Variants in TMEM132D observed in about 807,000 individuals in gnomAD.
TMEM132D encodes the protein mature OL transmembrane protein.
TMEM132D carries 21 observed loss-of-function variants against 62.3 expected under a neutral mutation model. The ratio of observed to expected loss-of-function variants is 0.34; its 90% CI spans 0.24 to 0.49. The LOEUF (loss-of-function observed/expected upper bound fraction) is 0.49. Ranked by LOEUF, TMEM132D falls within the 20% of genes least tolerant of loss-of-function variation. The pLI is 0.99. For missense variants in TMEM132D, 1,346 were observed against 1,402.8 expected (o/e 0.96, Z 0.65); for synonymous variants, 621 against 575.6 (o/e 1.08, Z -1.13).
rs534239368 is a variant in TMEM132D, at chr12:129,229,398, C to T, written c.1300-19735G>A. 2.0e-5 allele frequency among the ~76,000 whole-genome samples: 3 copies of T among 152,284 alleles called. No individual in the cohort carries two copies. The East Asian group carries it at 5.8e-4, about 29-fold the overall frequency. On this transcript the variant is annotated intron_variant, in intron 4 of 8. Transcript: ENST00000422113. ...CATTTATAGCTTCCAAACATCAATT[C>T]CATGAAACCCAGCATGAATATTTAA...
intron 1 of TMEM132D, among the ~76,000 whole-genome samples, chr12:129,758,683 G>C: frequency 6.6e-6 from 1 of 152,260 alleles, no homozygotes; most frequent in South Asian, 2.1e-4. Flanking sequence ...TTCTGTACTT[G>C]TTTAAAATAC....
chr12:129,548,517 T>C (rs540120926), intron 2 of TMEM132D, among the ~76,000 whole-genome samples: 9 of 152,362 alleles, frequency 5.9e-5, no homozygotes, highest in African/African-American at 2.2e-4. Context: ...TCAAGTCAAC[T>C]TTCCTGCTGA....
intron 3 of TMEM132D, among the ~76,000 whole-genome samples, chr12:129,494,765 G>A (rs1044090094): frequency 1.3e-5 from 2 of 151,958 alleles, no homozygotes; most frequent in Admixed American, 1.3e-4. Flanking sequence ...TCATCATCCT[G>A]GCCTCTGAGT....
At chr12:129,154,389 G>A (rs1452397029) in intron 5 of TMEM132D, among the ~76,000 whole-genome samples, 1 of 152,162 alleles carries the variant, frequency 6.6e-6, no homozygotes, top group Non-Finnish European at 1.5e-5. Flanking sequence ...TAGGATGAGA[G>A]GATATTGATG....
intron 4 of TMEM132D, among the ~76,000 whole-genome samples, chr12:129,295,747 C>A (rs185105111): frequency 3.1e-4 from 47 of 152,208 alleles, no homozygotes; most frequent in African/African-American, 1.1e-3. Flanking sequence ...ATACAAAAGT[C>A]TTAATATTTG....
At chr12:129,647,789 AG>A (rs1879826128) in intron 2 of TMEM132D, among the ~76,000 whole-genome samples, 1 of 152,172 alleles carries the variant, frequency 6.6e-6, no homozygotes, top group African/African-American at 2.4e-5. Flanking sequence ...GATTTGTAGA[AG>A]ATCTTTAAGC....
chr12:129,270,988 C>A (rs1235020221), intron 4 of TMEM132D, among the ~76,000 whole-genome samples: 1 of 152,144 alleles, frequency 6.6e-6, no homozygotes, highest in Non-Finnish European at 1.5e-5. Context: ...GTGGTTGCAC[C>A]CTGTGACGGC....
chr12:129,599,610 G>A (rs1200901718), intron 2 of TMEM132D, among the ~76,000 whole-genome samples: 1 of 152,136 alleles, frequency 6.6e-6, no homozygotes, highest in Non-Finnish European at 1.5e-5. Flanking sequence ...CATTTTAAGT[G>A]TGTCACATAT....
intron 3 of TMEM132D, among the ~76,000 whole-genome samples, chr12:129,491,576 G>T (rs1874797126): frequency 6.6e-6 from 1 of 152,184 alleles, no homozygotes; most frequent in Non-Finnish European, 1.5e-5. Context: ...TGGAAACTAT[G>T]CATTGAAGAC....
chr12:129,100,656 T>C (rs1172856428), intron 5 of TMEM132D, among the ~76,000 whole-genome samples: 1 of 152,216 alleles, frequency 6.6e-6, no homozygotes, highest in Admixed American at 6.5e-5. Flanking sequence ...CTGGAGTGAA[T>C]GAAAGTATTG....
chr12:129,512,066 C>T (rs1593044550), intron 3 of TMEM132D, among the ~76,000 whole-genome samples: 1 of 152,314 alleles, frequency 6.6e-6, no homozygotes, highest in South Asian at 2.1e-4. Flanking sequence ...TACCGTACAG[C>T]ATCTGCAGTG....
At chr12:129,538,503 C>A (rs1490978380) in intron 2 of TMEM132D, among the ~76,000 whole-genome samples, 1 of 152,148 alleles carries the variant, frequency 6.6e-6, no homozygotes, top group African/African-American at 2.4e-5. Flanking sequence ...CAGTCCAAGA[C>A]CCCCAGTGGA....
chr12:129,083,927 G>A (rs1384067923), intron 6 of TMEM132D, among the ~76,000 whole-genome samples: 1 of 152,162 alleles, frequency 6.6e-6, no homozygotes, highest in Non-Finnish European at 1.5e-5. Context: ...GACACTCAGT[G>A]GACAAGCCTC....
At chr12:129,129,771 TG>T (rs1292146595) in intron 5 of TMEM132D, among the ~76,000 whole-genome samples, 3 of 152,178 alleles carry the variant, frequency 2.0e-5, no homozygotes, top group Non-Finnish European at 4.4e-5. Context: ...ATGTTCTTGT[TG>T]GCCGCTCGTA....
chr12:129,653,779 T>C (rs1227236721), intron 2 of TMEM132D, among the ~76,000 whole-genome samples: 1 of 152,208 alleles, frequency 6.6e-6, no homozygotes, highest in Admixed American at 6.5e-5. Context: ...CCACACAGCT[T>C]CCTCTTCTTT....
intron 2 of TMEM132D, among the ~76,000 whole-genome samples, chr12:129,693,993 C>G (rs1474080005): frequency 1.3e-5 from 2 of 152,212 alleles, no homozygotes; most frequent in African/African-American, 4.8e-5. Flanking sequence ...TCTTTGCTGT[C>G]TCATCCTTAG....
Position 129,901,346 on chromosome 12 carries a change from T to G in TMEM132D, c.79+1915A>C, listed in dbSNP as rs767973172. ...GAATGTATAAATCACATCTGCATCATGAAATTCCATTTTATGCAATTTGCT... is the reference window on the plus strand; with the variant it reads ...GAATGTATAAATCACATCTGCATCAGGAAATTCCATTTTATGCAATTTGCT... On this transcript the variant is annotated intron_variant, in intron 1 of 8. Transcript: ENST00000422113. Among the ~76,000 whole-genome samples the G allele has an allele frequency of 4.7e-4, 71 of 152,360 alleles. 1 individual carries two copies. Among genetic ancestry groups the G allele is most frequent in the Non-Finnish European group, 8.4e-4 (57 of 68,034 alleles).
chr12:129,610,137 G>C (rs530440734), intron 2 of TMEM132D, among the ~76,000 whole-genome samples: 1 of 152,236 alleles, frequency 6.6e-6, no homozygotes, highest in Admixed American at 6.5e-5. Flanking sequence ...TGGGTGTGGT[G>C]GTGGGTGCCT....
At chr12:129,861,072 T>A (rs1873882747) in intron 1 of TMEM132D, among the ~76,000 whole-genome samples, 1 of 152,216 alleles carries the variant, frequency 6.6e-6, no homozygotes, top group Non-Finnish European at 1.5e-5. Flanking sequence ...TGTTATGTTT[T>A]TAACCTTTTG....
Sources: gnomAD v4.1 joint callset for allele counts (sites outside exome capture counted in the v4.1 genomes callset) on GRCh38, gnomAD v4.1.1 for gene constraint, MANE v1.5 for transcripts, NCBI Gene and HGNC (gene_info 2026-07-23, HGNC 2026-07-21) for gene names.